EXT1: variants seen among roughly 807,000 people sequenced by gnomAD.
The protein encoded by EXT1 is exostosin-1.
A neutral mutation model predicts 82.5 loss-of-function variants in EXT1; 20 were observed. The observed-to-expected ratio is 0.24, with a 90% CI of 0.17 to 0.35. The LOEUF (loss-of-function observed/expected upper bound fraction) is 0.35, where lower values mean the gene tolerates loss of function less well. Ranked by LOEUF, EXT1 falls within the 10% of genes least tolerant of loss-of-function variation. The probability of loss-of-function intolerance (pLI) is 1.00; values close to 1 mark genes in which losing one functional copy is unlikely to be tolerated. For synonymous variants in EXT1, 348 were observed against 350.8 expected (o/e 0.99, Z 0.09); for missense variants, 757 against 936.5 (o/e 0.81, Z 2.50).
At chr8:118,099,630 T>C (rs922209686) in intron 1 of EXT1, among the ~76,000 whole-genome samples, 1 of 152,242 alleles carries the variant, frequency 6.6e-6, no homozygotes, top group Non-Finnish European at 1.5e-5. Context: ...TGTATGCTCT[T>C]AGGCAAACCA....
intron 1 of EXT1, among the ~76,000 whole-genome samples, chr8:117,959,279 C>CTCTAGCCTAGCA (rs1554589035): frequency 1.3e-5 from 2 of 152,164 alleles, no homozygotes. Flanking sequence ...CCTGATCAAG[C>CTCTAGCCTAGCA]TCTAGCCTAG....
intron 1 of EXT1, among the ~76,000 whole-genome samples, chr8:117,873,078 C>G (rs1812902098): frequency 6.6e-6 from 1 of 152,046 alleles, no homozygotes; most frequent in Non-Finnish European, 1.5e-5. Context: ...GGGTGGAAAT[C>G]TTTTTTATAA....
chr8:117,914,855 C>G (rs993405340), intron 1 of EXT1, among the ~76,000 whole-genome samples: 2 of 151,304 alleles, frequency 1.3e-5, no homozygotes, highest in African/African-American at 4.8e-5. Context: ...CTGCTTTTAC[C>G]CTTTGCCTTG....
rs548828366 is a variant in EXT1, at chr8:118,057,605, T to C, written c.962+52480A>G. ...AAAGGCAGTCTTCCCACTAAGTAGC[T>C]AGGATTGTTAAGCACTCCAGTCAGT... is the stretch of plus-strand genomic sequence containing the variant. On this transcript the variant is annotated intron_variant, in intron 1 of 10. Coordinates refer to ENST00000378204, the MANE Select transcript of EXT1 (RefSeq NM_000127.3). Among the ~76,000 whole-genome samples, 3 of 151,826 alleles carry C rather than the reference T, an allele frequency of 2.0e-5. No homozygotes were observed. The South Asian group carries it at 6.2e-4, about 32-fold the overall frequency.
rs540185935 is a variant in EXT1 at position 118,067,832 on chromosome 8, C to A, written c.962+42253G>T. 3.3e-5 allele frequency among the ~76,000 whole-genome samples: 5 copies of A among 152,232 alleles called. 1 individual carries two copies. Among genetic ancestry groups the A allele is most frequent in the African/African-American group, 1.2e-4 (5 of 41,538 alleles). ...TGTGTTGATTCATGATTCATAAGCC[C>A]CATGCTGTAAGCTTTGCAGGGCTGG... On this transcript the variant is annotated intron_variant, in intron 1 of 10. Coordinates refer to ENST00000378204, the MANE Select transcript of EXT1 (RefSeq NM_000127.3).
At chr8:117,941,121 A>G (rs894129562) in intron 1 of EXT1, among the ~76,000 whole-genome samples, 3 of 152,218 alleles carry the variant, frequency 2.0e-5, no homozygotes, top group Non-Finnish European at 4.4e-5. Context: ...AGTCACTTGC[A>G]TGAGAAACCC....
chr8:117,943,452 T>C (rs1814326026), intron 1 of EXT1, among the ~76,000 whole-genome samples: 1 of 151,640 alleles, frequency 6.6e-6, no homozygotes, highest in East Asian at 1.9e-4. Flanking sequence ...TGCAAAGGAA[T>C]ACTATATAGT....
intron 1 of EXT1, among the ~76,000 whole-genome samples, chr8:117,899,635 A>C (rs991018198): frequency 6.6e-6 from 1 of 152,240 alleles, no homozygotes; most frequent in African/African-American, 2.4e-5. Context: ...CAACAGCTAC[A>C]TAAATCTATT....
intron 8 of EXT1, among the ~76,000 whole-genome samples, chr8:117,810,257 A>G (rs1453749274): frequency 6.6e-6 from 1 of 152,230 alleles, no homozygotes; most frequent in Non-Finnish European, 1.5e-5. Flanking sequence ...ACATTTAAAC[A>G]ATCTGAGATC....
chr8:117,934,778 G>A (rs943372718), intron 1 of EXT1, among the ~76,000 whole-genome samples: 8 of 152,284 alleles, frequency 5.3e-5, no homozygotes, highest in African/African-American at 1.9e-4. Flanking sequence ...GGACAGCAAT[G>A]TGCACGCTTC....
chr8:117,980,711 T>G (rs1319384888), intron 1 of EXT1, among the ~76,000 whole-genome samples: 11 of 43,260 alleles, frequency 2.5e-4, no homozygotes, highest in African/African-American at 5.2e-4. Context: ...TTTTTTTTTT[T>G]TTTTTTTTTT....
At chr8:117,896,850 G>A (rs962228917) in intron 1 of EXT1, among the ~76,000 whole-genome samples, 1 of 152,150 alleles carries the variant, frequency 6.6e-6, no homozygotes, top group South Asian at 2.1e-4. Context: ...TCTAAATTCA[G>A]TGCCCCTCAA....
intron 1 of EXT1, among the ~76,000 whole-genome samples, chr8:117,944,607 T>C (rs1053779786): frequency 6.6e-6 from 1 of 152,208 alleles, no homozygotes; most frequent in African/African-American, 2.4e-5. Context: ...GAAGACTATG[T>C]AGGCATGACA....
chr8:117,963,287 C>T (rs1272244819), intron 1 of EXT1, among the ~76,000 whole-genome samples: 6 of 152,156 alleles, frequency 3.9e-5, no homozygotes, highest in Non-Finnish European at 7.3e-5. Context: ...CTGTGGTTAC[C>T]TTGTCCAACT....
rs61249983 is a variant in EXT1 at position 117,874,575 on chromosome 8, C to CAAAAAAAAAAAAAAAAAAAAAAAAAAAA, written c.963-37375_963-37374insTTTTTTTTTTTTTTTTTTTTTTTTTTTT. Among the ~76,000 whole-genome samples the CAAAAAAAAAAAAAAAAAAAAAAAAAAAA allele has an allele frequency of 1.0e-3, 71 of 69,722 alleles. 2 individuals carry two copies. The highest frequency in any genetic ancestry group is 1.6e-3 in the East Asian group (3 of 1,886). The allele number at this position is 69,722 out of a possible 152,430, so 45.7% of individuals were successfully genotyped here. A position where few individuals can be genotyped will look rare whatever the true frequency, so the allele number is the denominator to read the frequency against. ...TAGGCAACAAAGTGAGACTCTGCCTCAAAAAAAAAAAAAAAAAAGAACAAT... is the reference window on the plus strand; with the variant it reads ...TAGGCAACAAAGTGAGACTCTGCCTCAAAAAAAAAAAAAAAAAAAAAAAAAAAAAAAAAAAAAAAAAAAAAAGAACAAT... On this transcript the variant is annotated intron_variant, in intron 1 of 10. Coordinates refer to ENST00000378204, the MANE Select transcript of EXT1 (RefSeq NM_000127.3).
intron 1 of EXT1, among the ~76,000 whole-genome samples, chr8:117,877,475 AT>A (rs1391581212): frequency 1.3e-5 from 2 of 152,196 alleles, no homozygotes; most frequent in Non-Finnish European, 2.9e-5. Flanking sequence ...TAGGTCCCAA[AT>A]CTGCATTAAA....
In EXT1 at chr8:117,918,638, G is replaced by A. The variant is rs570382701; in HGVS notation, c.963-81437C>T. 2.0e-5 allele frequency among the ~76,000 whole-genome samples: 3 copies of A among 152,256 alleles called. No homozygotes were observed. The South Asian group carries it at 6.2e-4, about 32-fold the overall frequency. ...TTTGCTCTTTAGGAATCTGCCTCTT[G>A]GGACCCAGCTGCCACACTGTAAGGA... On this transcript the variant is annotated intron_variant, in intron 1 of 10. Coordinates refer to ENST00000378204, the MANE Select transcript of EXT1 (RefSeq NM_000127.3).
chr8:117,829,773 C>T (rs1366634707), intron 4 of EXT1, among the ~76,000 whole-genome samples: 1 of 151,884 alleles, frequency 6.6e-6, no homozygotes, highest in Non-Finnish European at 1.5e-5. Flanking sequence ...CGAGGTTTCA[C>T]CATGTTGGCC....
chr8:117,858,742 A>C (rs1360672244), intron 1 of EXT1, among the ~76,000 whole-genome samples: 22 of 99,564 alleles, frequency 2.2e-4, no homozygotes, highest in South Asian at 3.7e-4. Flanking sequence ...GGAAGGAAGG[A>C]AGGAAGGAAG....
Sources: allele counts gnomAD v4.1 joint callset (sites outside exome capture counted in the v4.1 genomes callset), GRCh38; gene constraint gnomAD v4.1.1; transcripts MANE v1.5; gene names NCBI Gene and HGNC (gene_info 2026-07-23, HGNC 2026-07-21).